The following FRAS1 variants were observed in gnomAD, a reference collection of about 807,000 sequenced individuals.
FRAS1 encodes the protein Fraser extracellular matrix complex subunit 1.
FRAS1 carries 290 observed loss-of-function variants against 435.2 expected under a neutral mutation model. The observed-to-expected ratio is 0.67, with a 90% CI of 0.61 to 0.73. FRAS1 has a LOEUF of 0.73. FRAS1 is among the 30% of genes least tolerant of loss of function. The pLI, the probability that FRAS1 is intolerant of heterozygous loss-of-function variation, is 0.00. For missense variants in FRAS1, 4,860 were observed against 5,001.5 expected (o/e 0.97, Z 0.85); for synonymous variants, 1,800 against 1,851.0 (o/e 0.97, Z 0.71).
intron 4 of FRAS1, among the ~76,000 whole-genome samples, chr4:78,249,613 G>T (rs377399559): frequency 1.3e-5 from 2 of 152,038 alleles, no homozygotes; most frequent in African/African-American, 4.8e-5. Context: ...ATGAGCCACC[G>T]TTGTCCAGCC....
At chr4:78,453,574 A>G (rs1017972409) in intron 47 of FRAS1, among the ~76,000 whole-genome samples, 1 of 152,124 alleles carries the variant, frequency 6.6e-6, no homozygotes, top group African/African-American at 2.4e-5. Context: ...TGAGGTGGGA[A>G]GATCTCCCTT....
chr4:78,060,950 G>A (rs1045356085), intron 1 of FRAS1, among the ~76,000 whole-genome samples: 3 of 151,976 alleles, frequency 2.0e-5, no homozygotes, highest in Non-Finnish European at 2.9e-5. Flanking sequence ...GGCCTCAAGC[G>A]ATTCTCATGT....
rs564143405 is a variant in FRAS1 at position 78,290,176 on chromosome 4, G to A, written c.1534+3637G>A. Among the ~76,000 whole-genome samples, 4 of 152,316 alleles carry A rather than the reference G, an allele frequency of 2.6e-5. No individual in the cohort carries two copies. The South Asian group carries it at 8.3e-4, about 32-fold the overall frequency. On this transcript the variant is annotated intron_variant, in intron 14 of 73. Transcript: ENST00000512123. ...GTTAAAATGAGTAATTTTAACGTAA[G>A]GTTAAAATTATAAGGTTACAACTCA... is the stretch of plus-strand genomic sequence containing the variant.
At chr4:78,233,058 AG>A (rs1724583826) in intron 2 of FRAS1, among the ~76,000 whole-genome samples, 1 of 152,266 alleles carries the variant, frequency 6.6e-6, no homozygotes, top group African/African-American at 2.4e-5. Flanking sequence ...TTTACAGTTT[AG>A]TAAGCCAAGT....
chr4:78,438,091 T>C (rs1277576904), intron 38 of FRAS1, among the ~76,000 whole-genome samples: 1 of 152,036 alleles, frequency 6.6e-6, no homozygotes, highest in Non-Finnish European at 1.5e-5. Context: ...AAATAACTTT[T>C]CTGTTTCATG....
intron 20 of FRAS1, among the ~76,000 whole-genome samples, chr4:78,362,208 A>G (rs1175542463): frequency 1.3e-5 from 2 of 152,210 alleles, no homozygotes; most frequent in African/African-American, 2.4e-5. Flanking sequence ...CCAGTTAAAG[A>G]CCAAAATTTT....
At chr4:78,409,324 A>G (rs1733240735) in intron 31 of FRAS1, among the ~76,000 whole-genome samples, 1 of 152,100 alleles carries the variant, frequency 6.6e-6, no homozygotes, top group Non-Finnish European at 1.5e-5. Context: ...CACTTAAGAA[A>G]TATTGATGAG....
At chr4:78,359,910 G>A (rs533898295) in intron 20 of FRAS1, among the ~76,000 whole-genome samples, 23 of 152,110 alleles carry the variant, frequency 1.5e-4, no homozygotes, top group Non-Finnish European at 3.4e-4. Flanking sequence ...CCTTCTTATG[G>A]CTTAACATGG....
chr4:78,385,928 A>C (rs1447809857), intron 28 of FRAS1, among the ~76,000 whole-genome samples: 1 of 151,074 alleles, frequency 6.6e-6, no homozygotes, highest in Non-Finnish European at 1.5e-5. Context: ...CTGTAAATTT[A>C]GGACAGAGGG....
At chr4:78,140,749 ACG>A (rs1720142402) in intron 2 of FRAS1, among the ~76,000 whole-genome samples, 1 of 143,784 alleles carries the variant, frequency 7.0e-6, no homozygotes, top group Non-Finnish European at 1.5e-5. Context: ...ATATGTATAT[ACG>A]TGTGTGTATA....
chr4:78,368,343 T>C (rs934157634), intron 22 of FRAS1, among the ~76,000 whole-genome samples: 1 of 148,490 alleles, frequency 6.7e-6, no homozygotes, highest in Non-Finnish European at 1.5e-5. Flanking sequence ...TCTTTTTTTT[T>C]TTCAGGGAGG....
intron 2 of FRAS1, among the ~76,000 whole-genome samples, chr4:78,085,129 GGATA>G (rs1741084068): frequency 6.6e-6 from 1 of 152,150 alleles, no homozygotes; most frequent in East Asian, 1.9e-4. Context: ...TTTTGTCTAA[GGATA>G]GATAGTCAAA....
At chr4:78,326,528 C>T (rs1729726543) in intron 18 of FRAS1, among the ~76,000 whole-genome samples, 1 of 152,052 alleles carries the variant, frequency 6.6e-6, no homozygotes. Flanking sequence ...ATAGGATGAG[C>T]TTAGAAGTAG....
At chr4:78,329,355 T>G (rs1275049230) in intron 18 of FRAS1, among the ~76,000 whole-genome samples, 2 of 152,210 alleles carry the variant, frequency 1.3e-5, no homozygotes, top group Non-Finnish European at 2.9e-5. Context: ...CTCAATGCAT[T>G]TAATTAATGA....
chr4:78,271,637 C>T (rs1483143177), intron 9 of FRAS1, among the ~76,000 whole-genome samples: 1 of 152,178 alleles, frequency 6.6e-6, no homozygotes, highest in African/African-American at 2.4e-5. Flanking sequence ...CTACAATGGA[C>T]ATGAGCTCAT....
intron 69 of FRAS1, among the ~76,000 whole-genome samples, chr4:78,525,261 G>T (rs1244849712): frequency 6.6e-6 from 1 of 152,212 alleles, no homozygotes; most frequent in African/African-American, 2.4e-5. Context: ...TTCTATTAAT[G>T]AAGGGTTACT....
At chr4:78,073,999 G>C (rs1261567174) in intron 2 of FRAS1, among the ~76,000 whole-genome samples, 1 of 152,194 alleles carries the variant, frequency 6.6e-6, no homozygotes, top group African/African-American at 2.4e-5. Flanking sequence ...ATGAAAGGAA[G>C]AAGGAGAGGG....
chr4:78,432,619 T>G lies in FRAS1; in HGVS notation c.5217+15T>G. 1 of 1,549,320 alleles carries G rather than the reference T, an allele frequency of 6.5e-7. No homozygotes were observed. Among genetic ancestry groups the G allele is most frequent in the East Asian group, 2.3e-5 (1 of 44,192 alleles). On this transcript the variant is annotated intron_variant, in intron 38 of 73. Coordinates refer to ENST00000512123, the MANE Select transcript of FRAS1 (RefSeq NM_025074.7). The stretch of plus-strand genomic sequence containing the variant: ...TTGCTTACGTGGTAAGTTCTTCCAT[T>G]TGCTGTGTTTGTTCTCCACCGCCGC...
At chr4:78,496,085 TTCACA>T (rs1455725459) in intron 59 of FRAS1, among the ~76,000 whole-genome samples, 1 of 152,188 alleles carries the variant, frequency 6.6e-6, no homozygotes, top group Non-Finnish European at 1.5e-5. Context: ...AATATCCTCC[TTCACA>T]TCACATGACT....
Sources: allele counts gnomAD v4.1 joint callset (sites outside exome capture counted in the v4.1 genomes callset), GRCh38; gene constraint gnomAD v4.1.1; transcripts MANE v1.5; gene names NCBI Gene and HGNC (gene_info 2026-07-23, HGNC 2026-07-21).